SEMA6D: variants seen among roughly 807,000 people sequenced by gnomAD.
The protein encoded by SEMA6D is semaphorin 6D.
SEMA6D carries 35 observed loss-of-function variants against 106.6 expected under a neutral mutation model. The observed-to-expected ratio is 0.33, with a 90% confidence interval of 0.25 to 0.44. SEMA6D has a LOEUF of 0.44. Among genes scored for constraint, SEMA6D ranks in the 20% least tolerant of loss-of-function variants. The pLI is 1.00. For synonymous variants in SEMA6D, 499 were observed against 487.7 expected (o/e 1.02, Z -0.31); for missense variants, 1,185 against 1,345.9 (o/e 0.88, Z 1.87).
intron 1 of SEMA6D, among the ~76,000 whole-genome samples, chr15:47,288,799 C>G (rs1306101792): frequency 6.6e-6 from 1 of 152,186 alleles, no homozygotes; most frequent in African/African-American, 2.4e-5. Context: ...TGTGACCGTC[C>G]TTCCACCTGT....
chr15:47,225,653 C>T (rs1403135557), intron 1 of SEMA6D, among the ~76,000 whole-genome samples: 1 of 150,380 alleles, frequency 6.6e-6, no homozygotes, highest in Non-Finnish European at 1.5e-5. Context: ...TCAGCCTTCC[C>T]AAGTGTCTGG....
chr15:47,657,001 A>T (rs1316504881), intron 4 of SEMA6D, among the ~76,000 whole-genome samples: 1 of 152,246 alleles, frequency 6.6e-6, no homozygotes, highest in African/African-American at 2.4e-5. Flanking sequence ...CCCAGAAAGC[A>T]TCAGGCTGTG....
At chr15:47,550,245 C>G (rs536818213) in intron 3 of SEMA6D, among the ~76,000 whole-genome samples, 35 of 152,140 alleles carry the variant, frequency 2.3e-4, no homozygotes, top group Admixed American at 1.9e-3. Context: ...CAAGAATAAC[C>G]AAGCATCTTC....
At chr15:47,553,942 G>A (rs2045841696) in intron 3 of SEMA6D, among the ~76,000 whole-genome samples, 1 of 152,178 alleles carries the variant, frequency 6.6e-6, no homozygotes, top group Admixed American at 6.6e-5. Flanking sequence ...CATTTTAGAA[G>A]GATGACAGCC....
chr15:47,247,067 A>G (rs1237888953), intron 1 of SEMA6D, among the ~76,000 whole-genome samples: 1 of 152,214 alleles, frequency 6.6e-6, no homozygotes, highest in Admixed American at 6.5e-5. Flanking sequence ...ACCACCTGTT[A>G]TATAACTAGA....
intron 2 of SEMA6D, among the ~76,000 whole-genome samples, chr15:47,424,678 A>C (rs1178416728): frequency 6.6e-6 from 1 of 152,148 alleles, no homozygotes; most frequent in Non-Finnish European, 1.5e-5. Flanking sequence ...GGTCCTACTG[A>C]TGTAGGTAGA....
At chr15:47,395,407 C>A (rs2145887972) in intron 1 of SEMA6D, among the ~76,000 whole-genome samples, 1 of 152,292 alleles carries the variant, frequency 6.6e-6, no homozygotes, top group Admixed American at 6.5e-5. Context: ...CCCTGGTTTT[C>A]AAACCAGAAG....
chr15:47,487,557 T>G (rs756650973), intron 3 of SEMA6D, among the ~76,000 whole-genome samples: 2 of 152,238 alleles, frequency 1.3e-5, no homozygotes, highest in Non-Finnish European at 2.9e-5. Flanking sequence ...TGGATTACAC[T>G]ATATGTATTG....
chr15:47,490,288 A>T (rs1220936104), intron 3 of SEMA6D, among the ~76,000 whole-genome samples: 3 of 152,204 alleles, frequency 2.0e-5, no homozygotes, highest in Non-Finnish European at 2.9e-5. Flanking sequence ...ATTATAACAT[A>T]AAAGACATTT....
At chr15:47,511,972 T>C (rs2044249272) in intron 3 of SEMA6D, among the ~76,000 whole-genome samples, 1 of 152,350 alleles carries the variant, frequency 6.6e-6, no homozygotes, top group Admixed American at 6.5e-5. Context: ...GACTGTTACA[T>C]TATTTAAATA....
In SEMA6D at chr15:47,231,229, C is replaced by T. The variant is rs182098761; in HGVS notation, c.-239+46811C>T. Among the ~76,000 whole-genome samples the T allele has an allele frequency of 5.9e-4, 89 of 152,050 alleles. 1 individual carries two copies. The Middle Eastern group carries it at 0.014, about 23-fold the overall frequency. On this transcript the variant is annotated intron_variant, in intron 1 of 19. Transcript: ENST00000558014. Reference sequence around the variant, plus strand: ...GAAATCCTTCAACAGGCAGTTCTCTCATCCTGTCTGTCACTCACATAAATG... The same window carrying T: ...GAAATCCTTCAACAGGCAGTTCTCTTATCCTGTCTGTCACTCACATAAATG...
chr15:47,301,305 A>C (rs1183895107), intron 1 of SEMA6D, among the ~76,000 whole-genome samples: 1 of 152,232 alleles, frequency 6.6e-6, no homozygotes, highest in African/African-American at 2.4e-5. Context: ...AAGAGTGAAC[A>C]TGCATCAGGA....
chr15:47,467,396 G>A (rs1040338517), intron 2 of SEMA6D, among the ~76,000 whole-genome samples: 4 of 152,110 alleles, frequency 2.6e-5, no homozygotes, highest in African/African-American at 9.7e-5. Flanking sequence ...TAAACATGTC[G>A]GTATTAATGC....
intron 1 of SEMA6D, among the ~76,000 whole-genome samples, chr15:47,276,020 A>T (rs1004061530): frequency 6.6e-6 from 1 of 152,202 alleles, no homozygotes; most frequent in East Asian, 1.9e-4. Flanking sequence ...CAAACCAGCC[A>T]CAGCATTCCC....
At position 47,765,977 on chromosome 15, in the gene SEMA6D, C is replaced by T. The variant is rs1268778975; in HGVS notation, c.1536C>T (p.Leu512=). The change falls in exon 14 of 19, where the codon CTC becomes CTT. Residue 512 remains leucine (L), a synonymous_variant. Coordinates refer to ENST00000536845, the MANE Select transcript of SEMA6D (RefSeq NM_001358351.3). The part of the protein sequence containing the change: ...AFSSCIIRIP[L]SRCERYGSCK... ...CTAGCTGCATTATCCGCATCCCCCT[C>T]AGTCGCTGTGAGCGTTATGGATCAT... 1 of 1,595,962 alleles carries T rather than the reference C, an allele frequency of 6.3e-7. No individual in the cohort carries two copies. Among genetic ancestry groups the T allele is most frequent in the Non-Finnish European group, 8.5e-7 (1 of 1,170,768 alleles).
chr15:47,539,080 G>A (rs947399623), intron 3 of SEMA6D, among the ~76,000 whole-genome samples: 15 of 152,118 alleles, frequency 9.9e-5, no homozygotes, highest in South Asian at 4.2e-4. Context: ...CGCCTTTCCC[G>A]GACAAGGTGT....
intron 2 of SEMA6D, 129 bp from the exon 3 acceptor site, chr15:47,760,175 A>G (rs2081983676): frequency 1.5e-6 from 1 of 678,660 alleles, no homozygotes; most frequent in Non-Finnish European, 2.5e-6. Context: ...ATTCATTTAT[A>G]TTCAAGACCT....
At chr15:47,188,768 G>A (rs2140920370) in intron 1 of SEMA6D, among the ~76,000 whole-genome samples, 1 of 152,224 alleles carries the variant, frequency 6.6e-6, no homozygotes, top group Non-Finnish European at 1.5e-5. Context: ...GTGTTTAGAA[G>A]TACAATCAAG....
At chr15:47,576,880 T>C (rs149709729) in intron 3 of SEMA6D, among the ~76,000 whole-genome samples, 31 of 152,362 alleles carry the variant, frequency 2.0e-4, no homozygotes, top group African/African-American at 7.5e-4. Flanking sequence ...TGTTTCCTTT[T>C]GTTCTTTGAG....
Sources: gnomAD v4.1 joint callset for allele counts (sites outside exome capture counted in the v4.1 genomes callset) on GRCh38, gnomAD v4.1.1 for gene constraint, MANE v1.5 for transcripts, NCBI Gene and HGNC (gene_info 2026-07-23, HGNC 2026-07-21) for gene names.